The following CRYBG3 variants were observed in gnomAD, a reference collection of about 807,000 sequenced individuals.
CRYBG3 encodes the protein crystallin beta-gamma domain containing 3.
CRYBG3 carries 127 observed loss-of-function variants against 244.2 expected under a neutral mutation model. The ratio of observed to expected loss-of-function variants is 0.52; its 90% CI spans 0.45 to 0.60. The LOEUF is 0.60. Among genes scored for constraint, CRYBG3 ranks in the 20% least tolerant of loss-of-function variants. The pLI, the probability that CRYBG3 is intolerant of heterozygous loss-of-function variation, is 0.00. For synonymous variants in CRYBG3, 1,132 were observed against 1,195.8 expected (o/e 0.95, Z 1.10); for missense variants, 3,325 against 3,442.5 (o/e 0.97, Z 0.85).
chr3:97,870,938 C>T (rs905426553), intron 3 of CRYBG3, among the ~76,000 whole-genome samples: 2 of 152,142 alleles, frequency 1.3e-5, no homozygotes, highest in African/African-American at 2.4e-5. Context: ...AGATCAAAGA[C>T]TAACTGTCCA....
At chr3:97,859,843 C>G (rs2039120766) in intron 2 of CRYBG3, among the ~76,000 whole-genome samples, 1 of 152,152 alleles carries the variant, frequency 6.6e-6, no homozygotes, top group South Asian at 2.1e-4. Flanking sequence ...AGATGTCCTT[C>G]TCTCCAATGC....
In CRYBG3 at chr3:97,889,401, G is replaced by A; in HGVS notation, c.7440+11G>A. On this transcript the variant is annotated intron_variant, in intron 10 of 21. Coordinates refer to ENST00000389622, the MANE Select transcript of CRYBG3 (RefSeq NM_153605.4). Reference sequence around the variant, plus strand: ...CCCATGAACTTAAAGGTAAGTCTTGGACTGATTTTTGTAGCAGGCTAAAGA... The same window carrying A: ...CCCATGAACTTAAAGGTAAGTCTTGAACTGATTTTTGTAGCAGGCTAAAGA... The A allele has an allele frequency of 6.2e-7, 1 of 1,604,050 alleles. No homozygotes were observed. Among genetic ancestry groups the A allele is most frequent in the African/African-American group, 1.3e-5 (1 of 74,774 alleles).
Position 97,936,884 on chromosome 3 carries a change from T to C in CRYBG3, c.8481T>C (p.Ile2827=). 6 of 1,612,968 alleles carry C rather than the reference T, an allele frequency of 3.7e-6. No individual in the cohort carries two copies. The highest frequency in any genetic ancestry group is 5.1e-6 in the Non-Finnish European group (6 of 1,179,346). Residue 2827 remains isoleucine, a synonymous_variant, in exon 19 of 22, where the codon ATT becomes ATC. Coordinates refer to ENST00000389622, the MANE Select transcript of CRYBG3 (RefSeq NM_153605.4). ...CAGCATTCAGCAGATGGAAAACAAT[T>C]GGTTCCCTCCGTCCTATGAAGCAGG... The part of the protein sequence containing the change: ...NWTAFSRWKT[I]GSLRPMKQPA...
intron 17 of CRYBG3, among the ~76,000 whole-genome samples, chr3:97,917,648 G>A (rs1354040819): frequency 6.6e-6 from 1 of 152,020 alleles, no homozygotes; most frequent in Non-Finnish European, 1.5e-5. Flanking sequence ...TCAATTTAGT[G>A]TTTTGTAATA....
At chr3:97,836,812 C>G (rs1201591248) in intron 1 of CRYBG3, among the ~76,000 whole-genome samples, 1 of 152,066 alleles carries the variant, frequency 6.6e-6, no homozygotes, top group Non-Finnish European at 1.5e-5. Flanking sequence ...ACATTTCTGC[C>G]TCTTTGTTAT....
intron 8 of CRYBG3, 77 bp downstream of exon 8, chr3:97,886,844 T>C: frequency 8.0e-7 from 1 of 1,250,034 alleles, no homozygotes; most frequent in Non-Finnish European, 1.1e-6. Context: ...TACATTTTTC[T>C]AAAGTTTCTA....
chr3:97,890,619 C>T (rs1353885068), intron 10 of CRYBG3, among the ~76,000 whole-genome samples: 1 of 152,008 alleles, frequency 6.6e-6, no homozygotes, highest in African/African-American at 2.4e-5. Flanking sequence ...AATATAGTAC[C>T]CTGTGCAAAC....
chr3:97,930,694 T>TA (rs1302745398), intron 17 of CRYBG3, among the ~76,000 whole-genome samples: 5 of 152,144 alleles, frequency 3.3e-5, no homozygotes, highest in Middle Eastern at 3.4e-3. Flanking sequence ...TTATTTAAAT[T>TA]AATTCCATCC....
At chr3:97,898,162 G>C (rs2039661129) in intron 12 of CRYBG3, among the ~76,000 whole-genome samples, 1 of 151,536 alleles carries the variant, frequency 6.6e-6, no homozygotes, top group South Asian at 2.1e-4. Flanking sequence ...AGAGGTTGCA[G>C]TGAGCTGAGA....
At chr3:97,893,198 A>G (rs1441340172) in intron 11 of CRYBG3, among the ~76,000 whole-genome samples, 2 of 152,204 alleles carry the variant, frequency 1.3e-5, no homozygotes, top group African/African-American at 2.4e-5. Flanking sequence ...TTAAATGTAG[A>G]AAATAGTTTC....
rs907572256 is a variant in CRYBG3 at position 97,870,152 on chromosome 3, T to C, written c.648-1690T>C. ...TTTTTTAAAAAATAATTTCAACTTT[T>C]ATTTTAGAGTTGGGGTGCATATGCA... On this transcript the variant is annotated intron_variant, in intron 3 of 21. Transcript: ENST00000389622. Among the ~76,000 whole-genome samples the C allele has an allele frequency of 2.6e-5, 4 of 152,288 alleles. No homozygotes were observed. In the South Asian group the frequency reaches 6.2e-4, roughly 24 times the overall value.
intron 21 of CRYBG3, 82 bp from the exon 22 acceptor site, chr3:97,943,144 T>A (rs951151453): frequency 2.7e-6 from 2 of 751,850 alleles, no homozygotes; most frequent in Non-Finnish European, 4.5e-6. Flanking sequence ...AATGGTGAGC[T>A]GAACAGAAGC....
intron 4 of CRYBG3, among the ~76,000 whole-genome samples, chr3:97,879,454 C>T (rs913144937): frequency 2.6e-5 from 4 of 152,164 alleles, no homozygotes; most frequent in Admixed American, 6.5e-5. Flanking sequence ...AGTCCCCTGG[C>T]TTAGTAGAGC....
In CRYBG3 at chr3:97,874,614, C is replaced by T. The variant is rs1317705345; in HGVS notation, c.3420C>T (p.Phe1140=). ...GIYTGKISID[F]PTAAQFDNLV... ...ATACTGGGAAGATATCCATTGATTTCCCAACTGCTGCCCAATTTGACAATC... is the reference window on the plus strand; with the variant it reads ...ATACTGGGAAGATATCCATTGATTTTCCAACTGCTGCCCAATTTGACAATC... The change falls in exon 4 of 22, where the codon TTC becomes TTT. Residue 1140 remains phenylalanine, a synonymous_variant. Transcript: ENST00000389622. The T allele has an allele frequency of 1.3e-6, 2 of 1,536,042 alleles. No individual in the cohort carries two copies. The highest frequency in any genetic ancestry group is 1.2e-5 in the South Asian group (1 of 84,060).
intron 3 of CRYBG3, among the ~76,000 whole-genome samples, chr3:97,871,368 C>T (rs989927850): frequency 3.9e-5 from 6 of 152,156 alleles, no homozygotes; most frequent in African/African-American, 1.4e-4. Flanking sequence ...TTCCAAGTTA[C>T]GTGCTAAACA....
At position 97,880,008 on chromosome 3, in the gene CRYBG3, A is replaced by G. The variant is rs1302165953; in HGVS notation, c.6912A>G (p.Glu2304=). 1 of 1,574,482 alleles carries G rather than the reference A, an allele frequency of 6.4e-7. No homozygotes were observed. Among genetic ancestry groups the G allele is most frequent in the Admixed American group, 1.7e-5 (1 of 58,842 alleles). The stretch of plus-strand genomic sequence containing the variant: ...AGATGGTTATCTATGATCTCCATGA[A>G]AGTACATATAAACAAGAAGTCTACT... ...PGKMVIYDLH[E]STYKQEVYCN... is the part of the protein sequence containing the mutation. The change falls in exon 6 of 22, where the codon GAA becomes GAG. Residue 2304 remains glutamate, a synonymous_variant. Coordinates refer to ENST00000389622, the MANE Select transcript of CRYBG3 (RefSeq NM_153605.4).
In CRYBG3 at chr3:97,896,036, C is replaced by G. The variant is rs768613408; in HGVS notation, c.7652C>G (p.Ala2551Gly). 1.9e-6 allele frequency: 3 copies of G among 1,613,236 alleles called. No individual in the cohort carries two copies. In the South Asian group the frequency reaches 3.3e-5, roughly 18 times the overall value. The change falls in exon 12 of 22, where the codon GCT (alanine) becomes GGT (glycine). Residue 2551 changes from alanine (A) to glycine (G), a missense_variant. Ala to Gly is a moderately conservative substitution (Grantham distance 60, BLOSUM62 0). Around this residue, in one of 4 missense-constraint regions of CRYBG3, gnomAD observed 714 missense variants for 803.6 expected, o/e 0.89. Transcript: ENST00000389622. ...LEEGDFEDSN[A>G]CGALSSPILS... ...GAAGGAGACTTTGAAGACAGTAATG[C>G]TTGTGGTGCATTAAGTAGCCCTATC...
chr3:97,824,789 T>C (rs2038557200), intron 1 of CRYBG3, among the ~76,000 whole-genome samples: 1 of 152,120 alleles, frequency 6.6e-6, no homozygotes, highest in Non-Finnish European at 1.5e-5. Flanking sequence ...TTATTTTAGA[T>C]GATAAAAAGG....
intron 1 of CRYBG3, among the ~76,000 whole-genome samples, chr3:97,830,282 C>A (rs370647677): frequency 2.0e-5 from 3 of 152,232 alleles, no homozygotes; most frequent in Middle Eastern, 3.4e-3. Context: ...AAACCACTTT[C>A]AGTGCTTTTT....
Sources: allele counts gnomAD v4.1 joint callset (sites outside exome capture counted in the v4.1 genomes callset), GRCh38; gene constraint gnomAD v4.1.1; regional missense constraint gnomAD v4.1.1; transcripts MANE v1.5; gene names NCBI Gene and HGNC (gene_info 2026-07-23, HGNC 2026-07-21).